The following DNAH5 variants were observed in gnomAD, a reference collection of about 807,000 sequenced individuals.
DNAH5 encodes axonemal beta dynein heavy chain 5.
Under a neutral mutation model 518.2 loss-of-function variants are expected in DNAH5, and 372 were observed. The observed-to-expected ratio is 0.72, with a 90% CI of 0.66 to 0.78. The LOEUF is 0.78. Ranked by LOEUF, DNAH5 falls within the 30% of genes least tolerant of loss-of-function variation. The pLI is 0.00. For synonymous variants in DNAH5, 2,039 were observed against 2,025.9 expected (o/e 1.01, Z -0.17); for missense variants, 5,523 against 5,687.0 (o/e 0.97, Z 0.93).
At chr5:13,843,261 C>T (rs959241243) in intron 32 of DNAH5, among the ~76,000 whole-genome samples, 4 of 152,042 alleles carry the variant, frequency 2.6e-5, no homozygotes, top group African/African-American at 7.3e-5. Flanking sequence ...CCTTTCATTC[C>T]GCCTCCTACA....
chr5:13,719,722 G>A (rs963492169), intron 71 of DNAH5, among the ~76,000 whole-genome samples: 3 of 152,158 alleles, frequency 2.0e-5, no homozygotes, highest in African/African-American at 7.2e-5. Context: ...GAAACCAGGT[G>A]AAAGAATGAT....
chr5:13,737,166 C>T, intron 66 of DNAH5, 86 bp downstream of exon 66: 2 of 1,576,626 alleles, frequency 1.3e-6, no homozygotes, highest in South Asian at 1.1e-5. Context: ...ATTTGTATAA[C>T]TCCCTCACAT....
rs553633309 is a variant in DNAH5, at chr5:13,699,962, G to A, written c.13723+678C>T. On this transcript the variant is annotated intron_variant, in intron 78 of 78. Coordinates refer to ENST00000265104, the MANE Select transcript of DNAH5 (RefSeq NM_001369.3). ...CTCCAGAAAACATCAATCCAATAAC[G>A]GAAAATAGTTTAGGCATTTTTAGAC... Among the ~76,000 whole-genome samples the A allele has an allele frequency of 1.4e-4, 21 of 152,268 alleles. 1 individual carries two copies. The South Asian group carries it at 3.9e-3, about 29-fold the overall frequency.
intron 38 of DNAH5, among the ~76,000 whole-genome samples, chr5:13,827,132 G>A (rs1762982441): frequency 6.6e-6 from 1 of 152,174 alleles, no homozygotes; most frequent in Admixed American, 6.5e-5. Flanking sequence ...AAATAATTTA[G>A]GGTATCTGGT....
At chr5:13,720,662 T>G (rs2652784) in intron 71 of DNAH5, among the ~76,000 whole-genome samples, 3 of 151,990 alleles carry the variant, frequency 2.0e-5, no homozygotes, top group Non-Finnish European at 4.4e-5. Context: ...TGTGAGGCAT[T>G]GCACCCAGGT....
At chr5:13,757,778 C>T (rs1751206116) in intron 61 of DNAH5, among the ~76,000 whole-genome samples, 1 of 151,988 alleles carries the variant, frequency 6.6e-6, no homozygotes, top group African/African-American at 2.4e-5. Flanking sequence ...TTAAAGCTTC[C>T]AAAAGCATTT....
At position 13,819,415 on chromosome 5, in the gene DNAH5, C is replaced by T. The variant is rs116816285; in HGVS notation, c.6841+931G>A. Among the ~76,000 whole-genome samples, 1,115 of 152,220 alleles carry T rather than the reference C, an allele frequency of 7.3e-3. 14 individuals carry two copies. The highest frequency in any genetic ancestry group is 0.025 in the African/African-American group (1,052 of 41,532). On this transcript the variant is annotated intron_variant, in intron 41 of 78. Coordinates refer to ENST00000265104, the MANE Select transcript of DNAH5 (RefSeq NM_001369.3). ...GAGGAAACAAAGACCAAATCCAACA[C>T]CTGCAGGGTCCCACAGTAAATACTG...
Position 13,841,081 on chromosome 5 carries a change from G to T in DNAH5, c.5534C>A (p.Ala1845Asp). The change falls in exon 34 of 79, where the codon GCC (alanine) becomes GAC (aspartate). Residue 1845 changes from alanine to aspartate, a missense_variant. By Grantham distance (126) the Ala-to-Asp change is moderately radical (BLOSUM62 -2). This residue lies in a region of DNAH5 where 5,121 missense variants were observed against 5,223.3 expected (regional missense o/e 0.98). Transcript: ENST00000265104. The stretch of plus-strand genomic sequence containing the variant: ...TTTATCAAACTTGGCATTTCTAAGG[G>T]CTTCTTCTGAATCCCGTGTCCATAT... ...QMIWTRDSEE[A>D]LRNAKFDKKI... 3 of 1,614,082 alleles carry T rather than the reference G, an allele frequency of 1.9e-6. No homozygotes were observed. The highest frequency in any genetic ancestry group is 1.7e-6 in the Non-Finnish European group (2 of 1,180,002).
Position 13,841,413 on chromosome 5 carries a change from T to C in DNAH5, c.5484+279A>G, listed in dbSNP as rs576195575. Reference sequence around the variant, plus strand: ...GTACATTTTCATGATTTTTGTACATTGTTACATCAAAAGATTGATTAGGGA... The same window carrying C: ...GTACATTTTCATGATTTTTGTACATCGTTACATCAAAAGATTGATTAGGGA... On this transcript the variant is annotated intron_variant, in intron 33 of 78. Coordinates refer to ENST00000265104, the MANE Select transcript of DNAH5 (RefSeq NM_001369.3). Among the ~76,000 whole-genome samples, 4 of 152,316 alleles carry C rather than the reference T, an allele frequency of 2.6e-5. No homozygotes were observed. The East Asian group carries it at 7.7e-4, about 29-fold the overall frequency.
intron 38 of DNAH5, among the ~76,000 whole-genome samples, chr5:13,826,934 T>C (rs1399629285): frequency 6.6e-6 from 1 of 152,188 alleles, no homozygotes; most frequent in East Asian, 1.9e-4. Flanking sequence ...TGCAACTTCC[T>C]AGAGACTTGT....
At position 13,753,555 on chromosome 5, in the gene DNAH5, A is replaced by G. The variant is rs1293496577; in HGVS notation, c.10556-6T>C. The G allele has an allele frequency of 2.5e-6, 4 of 1,610,344 alleles. No homozygotes were observed. Among genetic ancestry groups the G allele is most frequent in the Non-Finnish European group, 3.4e-6 (4 of 1,177,426 alleles). ...TGTAGCCAACAGTACATCCCCTAAA[A>G]TAGAAAACAAACACCATTGAAATAC... On this transcript the variant is annotated splice_polypyrimidine_tract_variant and splice_region_variant and intron_variant, in intron 62 of 78. Transcript: ENST00000265104.
intron 75 of DNAH5, among the ~76,000 whole-genome samples, chr5:13,713,260 C>CAT (rs1328893286): frequency 7.1e-6 from 1 of 141,804 alleles, no homozygotes; most frequent in African/African-American, 2.6e-5. Flanking sequence ...TATATACCGA[C>CAT]ATATATATAC....
intron 43 of DNAH5, 61 bp downstream of exon 43, chr5:13,814,544 A>G: frequency 6.3e-7 from 1 of 1,577,368 alleles, no homozygotes; most frequent in Non-Finnish European, 8.7e-7. Flanking sequence ...CACACACACT[A>G]AAAGAATGCT....
At chr5:13,895,751 C>T in intron 15 of DNAH5, among the ~76,000 whole-genome samples, 1 of 152,002 alleles carries the variant, frequency 6.6e-6, no homozygotes, top group East Asian at 1.9e-4. Flanking sequence ...CAAATGGCAG[C>T]AGCCTCCCAA....
chr5:13,725,608 G>A lies in DNAH5; in HGVS notation c.12033+1899C>T, dbSNP rs138529876. On this transcript the variant is annotated intron_variant, in intron 70 of 78. Coordinates refer to ENST00000265104, the MANE Select transcript of DNAH5 (RefSeq NM_001369.3). Reference sequence around the variant, plus strand: ...ATGCAACAGATTCAGCCTTTCAATGGGGGAGAAAATGAACAAATAACCTGC... The same window carrying A: ...ATGCAACAGATTCAGCCTTTCAATGAGGGAGAAAATGAACAAATAACCTGC... Among the ~76,000 whole-genome samples the A allele has an allele frequency of 3.0e-3, 463 of 152,218 alleles. 3 individuals carry two copies. The highest frequency in any genetic ancestry group is 0.011 in the African/African-American group (442 of 41,524).
intron 33 of DNAH5, among the ~76,000 whole-genome samples, 186 bp downstream of exon 33, chr5:13,841,506 T>C (rs1765160702): frequency 6.6e-6 from 1 of 152,220 alleles, no homozygotes; most frequent in African/African-American, 2.4e-5. Flanking sequence ...TTTAAGTCTA[T>C]AGATATATGA....
chr5:13,844,700 T>A, intron 32 of DNAH5, 137 bp downstream of exon 32: 3 of 1,082,760 alleles, frequency 2.8e-6, no homozygotes, highest in Non-Finnish European at 2.9e-6. Flanking sequence ...GCCCCGAGAT[T>A]TGTTTTTAGT....
chr5:13,981,712 G>GTAA (rs910773650), intron 1 of DNAH5, among the ~76,000 whole-genome samples: 4 of 152,192 alleles, frequency 2.6e-5, no homozygotes, highest in African/African-American at 9.6e-5. Flanking sequence ...AGCTTTATCA[G>GTAA]TAATAACAGA....
intron 1 of DNAH5, among the ~76,000 whole-genome samples, chr5:13,968,398 A>AG (rs1170464591): frequency 6.6e-6 from 1 of 151,872 alleles, no homozygotes; most frequent in African/African-American, 2.4e-5. Context: ...TCTAGTTCTC[A>AG]GGGGGGAATG....
Sources: gnomAD v4.1 joint callset for allele counts (sites outside exome capture counted in the v4.1 genomes callset) on GRCh38, gnomAD v4.1.1 for gene constraint, gnomAD v4.1.1 regional missense constraint, MANE v1.5 for transcripts, NCBI Gene and HGNC (gene_info 2026-07-23, HGNC 2026-07-21) for gene names.